LIM2: variants seen among roughly 807,000 people sequenced by gnomAD.
LIM2 encodes lens fiber membrane intrinsic protein.
LIM2 carries 14 observed loss-of-function variants against 19.0 expected under a neutral mutation model. The observed-to-expected ratio is 0.74, with a 90% CI of 0.49 to 1.15. The LOEUF is 1.15. Among genes scored for constraint, LIM2 ranks in the 50% most tolerant of loss-of-function variants. LIM2 has a pLI of 0.00. For synonymous variants in LIM2, 78 were observed against 89.6 expected (o/e 0.87, Z 0.73); for missense variants, 230 against 243.5 (o/e 0.94, Z 0.37).
chr19:51,387,596 G>A (rs1360184518), intron 1 of LIM2, 147 bp from the exon 2 acceptor site: 2 of 1,176,958 alleles, frequency 1.7e-6, no homozygotes, highest in African/African-American at 1.6e-5. Context: ...GGGCGAGGAG[G>A]GGACTGGAGC....
intron 2 of LIM2, among the ~76,000 whole-genome samples, chr19:51,386,250 AG>A (rs1299956208): frequency 4.6e-5 from 7 of 150,980 alleles, no homozygotes; most frequent in African/African-American, 1.7e-4. Context: ...CAGCCTCCTG[AG>A]TAGCTGGGAT....
At chr19:51,384,608 G>C (rs920365941) in intron 2 of LIM2, among the ~76,000 whole-genome samples, 3 of 152,162 alleles carry the variant, frequency 2.0e-5, no homozygotes, top group Middle Eastern at 3.2e-3. Context: ...GGGAGGGAGG[G>C]ACATGGAACA....
intron 2 of LIM2, among the ~76,000 whole-genome samples, chr19:51,383,027 C>CTTTTTTTTTT (rs1163859181): frequency 8.7e-4 from 77 of 88,296 alleles, no homozygotes; most frequent in South Asian, 1.3e-3. Context: ...TTTTTCTTTT[C>CTTTTTTTTTT]TTTTTTTTTT....
At chr19:51,386,760 T>G (rs773089014) in intron 2 of LIM2, among the ~76,000 whole-genome samples, 1 of 150,546 alleles carries the variant, frequency 6.6e-6, no homozygotes, top group Non-Finnish European at 1.5e-5. Context: ...TATGTAATAA[T>G]ATAAATTGCA....
In LIM2 at chr19:51,382,579, C is replaced by T. The variant is rs1986924989; in HGVS notation, c.176-12G>A. 1 of 1,612,890 alleles carries T rather than the reference C, an allele frequency of 6.2e-7. No homozygotes were observed. Among genetic ancestry groups the T allele is most frequent in the Admixed American group, 1.7e-5 (1 of 59,990 alleles). ...GGCATTCCAGTATGCTGTGGGAGCA[C>T]CCCATGGTCATTCCCACACCTCCCC... On this transcript the variant is annotated splice_polypyrimidine_tract_variant and intron_variant, in intron 2 of 4. Transcript: ENST00000596399.
intron 2 of LIM2, among the ~76,000 whole-genome samples, chr19:51,386,803 A>T (rs1412014728): frequency 6.6e-6 from 1 of 151,620 alleles, no homozygotes; most frequent in African/African-American, 2.4e-5. Flanking sequence ...ACATTAACTT[A>T]ATATATTATA....
At chr19:51,381,387 T>C (rs35898329) in intron 3 of LIM2, among the ~76,000 whole-genome samples, 69,144 of 152,048 alleles carry the variant, frequency 0.45, 16,212 homozygotes, top group East Asian at 0.69. Flanking sequence ...TCTGAACCAC[T>C]TGATATCAGG....
At chr19:51,382,307 G>A (rs1218602343) in intron 3 of LIM2, 111 bp downstream of exon 3, 1 of 1,250,402 alleles carries the variant, frequency 8.0e-7, no homozygotes, top group East Asian at 2.4e-5. Context: ...GGGTGGGGTG[G>A]GGTTGAGTGT....
intron 1 of LIM2, 96 bp downstream of exon 1, chr19:51,387,823 G>C (rs914565376): frequency 7.0e-6 from 2 of 284,648 alleles, no homozygotes; most frequent in Non-Finnish European, 1.4e-5. Context: ...GGGGCTAGGG[G>C]GTAGGACACC....
At chr19:51,384,901 C>T (rs895426028) in intron 2 of LIM2, among the ~76,000 whole-genome samples, 1 of 152,106 alleles carries the variant, frequency 6.6e-6, no homozygotes, top group African/African-American at 2.4e-5. Context: ...CTTGCTCTGT[C>T]ACCCAGGCTG....
chr19:51,384,331 T>C (rs1275180953), intron 2 of LIM2, among the ~76,000 whole-genome samples: 2 of 152,200 alleles, frequency 1.3e-5, no homozygotes, highest in African/African-American at 2.4e-5. Flanking sequence ...CTCAGGAGGC[T>C]GAGGCAGGAG....
At chr19:51,381,742 T>C (rs541865206) in intron 3 of LIM2, among the ~76,000 whole-genome samples, 1 of 152,304 alleles carries the variant, frequency 6.6e-6, no homozygotes, top group South Asian at 2.1e-4. Context: ...GTTGTTTTTG[T>C]TGAGACAGAG....
rs769738035 is a variant in LIM2, at chr19:51,387,198, G to A, written c.175+71C>T. 12 of 1,614,088 alleles carry A rather than the reference G, an allele frequency of 7.4e-6. No homozygotes were observed. The South Asian group carries it at 1.2e-4, about 16-fold the overall frequency. Reference sequence around the variant, plus strand: ...GCAGAGTTCTCCATCTGGAATACAGGTGTCCTTGGGCCCCGAGGTCCGCCC... The same window carrying A: ...GCAGAGTTCTCCATCTGGAATACAGATGTCCTTGGGCCCCGAGGTCCGCCC... On this transcript the variant is annotated intron_variant, in intron 2 of 4. Coordinates refer to ENST00000596399, the MANE Select transcript of LIM2 (RefSeq NM_001161748.2).
intron 3 of LIM2, 100 bp from the exon 4 acceptor site, chr19:51,380,739 G>T: frequency 2.6e-6 from 3 of 1,145,948 alleles, no homozygotes; most frequent in Non-Finnish European, 3.7e-6. Flanking sequence ...TAAGATTGGG[G>T]AAAGGGGTGG....
rs199791198 is a variant in LIM2 at position 51,387,285 on chromosome 19, C to T, written c.159G>A (p.Leu53=). ...WRYCLGNKCY[L]QTDSIAYWNA... is the part of the protein sequence containing the mutation. ...GGGGCTCACCGATGCTGTCTGTCTGCAGGTAGCACTTGTTGCCCAGGCAGT... is the reference window on the plus strand; with the variant it reads ...GGGGCTCACCGATGCTGTCTGTCTGTAGGTAGCACTTGTTGCCCAGGCAGT... The change falls in exon 2 of 5, where the codon CTG becomes CTA. Residue 53 remains leucine (L), a synonymous_variant. Coordinates refer to ENST00000596399, the MANE Select transcript of LIM2 (RefSeq NM_001161748.2). 6.2e-7 allele frequency: 1 copy of T among 1,614,098 alleles called. No individual in the cohort carries two copies. The highest frequency in any genetic ancestry group is 2.2e-5 in the East Asian group (1 of 44,878).
chr19:51,383,471 C>T (rs1295950445), intron 2 of LIM2, among the ~76,000 whole-genome samples: 1 of 152,198 alleles, frequency 6.6e-6, no homozygotes, highest in African/African-American at 2.4e-5. Context: ...TTCTCATTCA[C>T]CACTGTGTCC....
At chr19:51,384,787 G>A (rs1031433157) in intron 2 of LIM2, among the ~76,000 whole-genome samples, 1 of 151,858 alleles carries the variant, frequency 6.6e-6, no homozygotes, top group Non-Finnish European at 1.5e-5. Context: ...CTCAGGCCTG[G>A]AATCCCAGCA....
Position 51,386,717 on chromosome 19 carries a change from T to C in LIM2, c.175+552A>G, listed in dbSNP as rs11666451. On this transcript the variant is annotated intron_variant, in intron 2 of 4. Coordinates refer to ENST00000596399, the MANE Select transcript of LIM2 (RefSeq NM_001161748.2). The stretch of plus-strand genomic sequence containing the variant: ...ATACACTATACTGTATATTATTGTC[T>C]ATATGTAGTTATATATAATACATCA... Among the ~76,000 whole-genome samples, 726 of 147,514 alleles carry C rather than the reference T, an allele frequency of 4.9e-3. 2 individuals carry two copies. The highest frequency in any genetic ancestry group is 0.015 in the South Asian group (70 of 4,724).
chr19:51,384,869 T>C (rs1226205526), intron 2 of LIM2, among the ~76,000 whole-genome samples: 1 of 152,116 alleles, frequency 6.6e-6, no homozygotes, highest in South Asian at 2.1e-4. Flanking sequence ...TTTTATCTTA[T>C]TATTATTTTT....
Sources: gnomAD v4.1 joint callset for allele counts (sites outside exome capture counted in the v4.1 genomes callset) on GRCh38, gnomAD v4.1.1 for gene constraint, MANE v1.5 for transcripts, NCBI Gene and HGNC (gene_info 2026-07-23, HGNC 2026-07-21) for gene names.